The following SORCS2 variants were observed in gnomAD, a reference collection of about 807,000 sequenced individuals.
SORCS2 encodes the protein VPS10 domain-containing receptor SorCS2.
A neutral mutation model predicts 141.6 loss-of-function variants in SORCS2; 100 were observed. The ratio of observed to expected loss-of-function variants is 0.71; its 90% CI spans 0.60 to 0.83. The LOEUF is 0.83. SORCS2 is among the 40% of genes least tolerant of loss of function. The pLI is 0.00. For synonymous variants in SORCS2, 789 were observed against 676.9 expected (o/e 1.17, Z -2.57); for missense variants, 1,646 against 1,560.2 (o/e 1.05, Z -0.93).
rs556813726 is a variant in SORCS2 at position 7,524,429 on chromosome 4, T to C, written c.549-7101T>C. Among the ~76,000 whole-genome samples, 15 of 152,182 alleles carry C rather than the reference T, an allele frequency of 9.9e-5. No homozygotes were observed. In the South Asian group the frequency reaches 3.1e-3, roughly 32 times the overall value. ...GACAAGCCACGCGGGTTGTGGTATT[T>C]GCACAGCAGCCTGGGACCCTAACCC... On this transcript the variant is annotated intron_variant, in intron 2 of 26. Transcript: ENST00000507866.
chr4:7,642,515 A>G (rs1324377836), intron 4 of SORCS2, among the ~76,000 whole-genome samples: 1 of 152,206 alleles, frequency 6.6e-6, no homozygotes, highest in Non-Finnish European at 1.5e-5. Flanking sequence ...AATTAATAAC[A>G]ATGACAAGAG....
intron 1 of SORCS2, among the ~76,000 whole-genome samples, chr4:7,314,057 G>T (rs1443237413): frequency 3.9e-5 from 6 of 152,212 alleles, no homozygotes. Flanking sequence ...CCAGAGGCTG[G>T]AGCCCCCAGA....
intron 18 of SORCS2, among the ~76,000 whole-genome samples, chr4:7,723,121 G>C (rs867897027): frequency 6.6e-6 from 1 of 152,152 alleles, no homozygotes. Flanking sequence ...TGCCACGCGG[G>C]GATGGCAGTT....
intron 1 of SORCS2, among the ~76,000 whole-genome samples, chr4:7,330,426 G>A (rs1222197459): frequency 6.6e-6 from 1 of 151,888 alleles, no homozygotes; most frequent in Non-Finnish European, 1.5e-5. Flanking sequence ...TGGAGGATGA[G>A]TCTGGTTGAG....
At chr4:7,395,410 G>C (rs1004046728) in intron 1 of SORCS2, among the ~76,000 whole-genome samples, 1 of 152,226 alleles carries the variant, frequency 6.6e-6, no homozygotes, top group African/African-American at 2.4e-5. Context: ...GGGAGTGTTA[G>C]GAACAGCTAA....
intron 2 of SORCS2, among the ~76,000 whole-genome samples, chr4:7,451,702 G>A (rs1268694148): frequency 6.6e-6 from 1 of 152,224 alleles, no homozygotes; most frequent in Non-Finnish European, 1.5e-5. Flanking sequence ...TGCCACTGGG[G>A]TGGTGGGGGG....
At chr4:7,561,470 A>G (rs1263939660) in intron 3 of SORCS2, among the ~76,000 whole-genome samples, 1 of 110,788 alleles carries the variant, frequency 9.0e-6, no homozygotes. Context: ...CTATCCATTC[A>G]TCCATCTACC....
chr4:7,451,903 T>TC (rs1428084808), intron 2 of SORCS2, among the ~76,000 whole-genome samples: 1 of 152,152 alleles, frequency 6.6e-6, no homozygotes, highest in Non-Finnish European at 1.5e-5. Flanking sequence ...GGCAGCACCT[T>TC]CCTCCTCCCA....
intron 3 of SORCS2, among the ~76,000 whole-genome samples, chr4:7,563,418 T>G (rs970237184): frequency 6.6e-6 from 1 of 152,174 alleles, no homozygotes; most frequent in Non-Finnish European, 1.5e-5. Flanking sequence ...GCAAGTCTAG[T>G]GCAACAGCCA....
At chr4:7,707,707 C>T (rs557080928) in intron 14 of SORCS2, among the ~76,000 whole-genome samples, 3 of 152,350 alleles carry the variant, frequency 2.0e-5, no homozygotes, top group South Asian at 2.1e-4. Context: ...CCCCAGGCCA[C>T]GCACAGCACC....
At chr4:7,315,739 C>T (rs1718510643) in intron 1 of SORCS2, among the ~76,000 whole-genome samples, 1 of 152,220 alleles carries the variant, frequency 6.6e-6, no homozygotes, top group African/African-American at 2.4e-5. Flanking sequence ...CTCTGAAGGT[C>T]CTTGGCTGCT....
intron 11 of SORCS2, among the ~76,000 whole-genome samples, chr4:7,695,364 A>G (rs1211452788): frequency 1.1e-4 from 2 of 17,698 alleles, no homozygotes; most frequent in African/African-American, 2.5e-4. Context: ...GGGTGGATGG[A>G]TGGATGGATG....
chr4:7,565,927 G>T (rs1714957817), intron 3 of SORCS2, among the ~76,000 whole-genome samples: 1 of 141,546 alleles, frequency 7.1e-6, no homozygotes. Context: ...GGTGATGATG[G>T]CAATGATAGT....
At position 7,711,744 on chromosome 4, in the gene SORCS2, T is replaced by G. The variant is rs563857427; in HGVS notation, c.1869-989T>G. Among the ~76,000 whole-genome samples the G allele has an allele frequency of 2.6e-5, 4 of 152,314 alleles. No homozygotes were observed. The East Asian group carries it at 7.7e-4, about 29-fold the overall frequency. ...AACAAGCTGTGTGACCTTGGGCAAG[T>G]TACTCAACCTCTCTGTGCCTCGGCT... On this transcript the variant is annotated intron_variant, in intron 14 of 26. Coordinates refer to ENST00000507866, the MANE Select transcript of SORCS2 (RefSeq NM_020777.3).
Position 7,718,040 on chromosome 4 carries a change from G to A in SORCS2, c.2281G>A (p.Glu761Lys), listed in dbSNP as rs757706349. ...GYRKVVSNVC[E>K]GGVDMQQSQV... ...CCGGAAAGTGGTGTCCAACGTGTGT[G>A]AGGGTGGGGTGGACATGCAGCAGAG... The change falls in exon 18 of 27, where the codon GAG becomes AAG. Residue 761 changes from glutamate (E) to lysine (K), a missense_variant. By Grantham distance (56) the Glu-to-Lys change is moderately conservative. Coordinates refer to ENST00000507866, the MANE Select transcript of SORCS2 (RefSeq NM_020777.3). 3.2e-5 allele frequency: 52 copies of A among 1,608,128 alleles called. No individual in the cohort carries two copies. Among genetic ancestry groups the A allele is most frequent in the Non-Finnish European group, 4.3e-5 (51 of 1,177,318 alleles).
At chr4:7,676,393 C>T (rs1424788216) in intron 9 of SORCS2, among the ~76,000 whole-genome samples, 164 bp downstream of exon 9, 1 of 152,168 alleles carries the variant, frequency 6.6e-6, no homozygotes, top group Non-Finnish European at 1.5e-5. Context: ...CTTTGCAGGC[C>T]AAGAGGCTAT....
chr4:7,421,210 C>A (rs145334022), intron 2 of SORCS2, among the ~76,000 whole-genome samples: 71 of 152,318 alleles, frequency 4.7e-4, no homozygotes, highest in African/African-American at 1.6e-3. Flanking sequence ...TCAGAGGGGG[C>A]ACCCACCTGG....
intron 1 of SORCS2, among the ~76,000 whole-genome samples, chr4:7,266,637 G>T (rs1714753538): frequency 6.6e-6 from 1 of 152,154 alleles, no homozygotes; most frequent in Non-Finnish European, 1.5e-5. Context: ...TTCCCACAGT[G>T]TGAGGATGAA....
Position 7,676,136 on chromosome 4 carries a change from G to T in SORCS2, c.1248G>T (p.Gln416His). 8 of 1,577,342 alleles carry T rather than the reference G, an allele frequency of 5.1e-6. No homozygotes were observed. The highest frequency in any genetic ancestry group is 6.9e-6 in the Non-Finnish European group (8 of 1,160,264). Residue 416 changes from glutamine (Q) to histidine (H), a missense_variant, in exon 9 of 27, where the codon CAG (glutamine) becomes CAT (histidine). By Grantham distance (24) the Gln-to-His change is conservative. Transcript: ENST00000507866. ...WYQMDTYNLY[Q>H]SDPRGVRYAL... is the part of the protein sequence containing the mutation. ...AGATGGACACCTACAACCTGTACCAGTCGGACCCACGGGGCGTGCGCTACG... is the reference window on the plus strand; with the variant it reads ...AGATGGACACCTACAACCTGTACCATTCGGACCCACGGGGCGTGCGCTACG...
Sources: allele counts gnomAD v4.1 joint callset (sites outside exome capture counted in the v4.1 genomes callset), GRCh38; gene constraint gnomAD v4.1.1; transcripts MANE v1.5; gene names NCBI Gene and HGNC (gene_info 2026-07-23, HGNC 2026-07-21).